CELSR1: variants seen among roughly 807,000 people sequenced by gnomAD.
CELSR1 encodes cadherin EGF LAG seven-pass G-type receptor 1.
In CELSR1, 110 loss-of-function variants were observed where a neutral mutation model predicts 249.1. The ratio of observed to expected loss-of-function variants is 0.44; its 90% CI spans 0.38 to 0.52. CELSR1 has a LOEUF of 0.52. CELSR1 is among the 20% of genes least tolerant of loss of function. The pLI is 0.00. For missense variants in CELSR1, 4,109 were observed against 4,296.4 expected (o/e 0.96, Z 1.22); for synonymous variants, 2,113 against 1,900.0 (o/e 1.11, Z -2.92).
Position 46,511,933 on chromosome 22 carries a change from C to T in CELSR1, c.3544+21694G>A, listed in dbSNP as rs77436422. On this transcript the variant is annotated intron_variant, in intron 1 of 34. Transcript: ENST00000674500. The stretch of plus-strand genomic sequence containing the variant: ...ATCCCAGGCACTAGGTAAGAGCATC[C>T]CCTGCCCGGATGACATGACGGTCAC... Among the ~76,000 whole-genome samples the T allele has an allele frequency of 3.6e-3, 553 of 152,296 alleles. 2 individuals are homozygous for T. The highest frequency in any genetic ancestry group is 6.7e-3 in the Non-Finnish European group (455 of 68,020).
At chr22:46,521,537 C>T (rs1036889739) in intron 1 of CELSR1, among the ~76,000 whole-genome samples, 9 of 151,026 alleles carry the variant, frequency 6.0e-5, no homozygotes, top group Admixed American at 4.0e-4. Flanking sequence ...TCAGTCAGGC[C>T]GGACACAGTG....
intron 9 of CELSR1, among the ~76,000 whole-genome samples, chr22:46,400,283 C>T (rs113907182): frequency 0.051 from 7,765 of 150,856 alleles, 725 homozygotes; most frequent in African/African-American, 0.18. Flanking sequence ...GAGCTGAGAT[C>T]GCAGCATTGC....
At position 46,386,507 on chromosome 22, in the gene CELSR1, C is replaced by G; in HGVS notation, c.6634G>C (p.Gly2212Arg). 2 of 1,597,748 alleles carry G rather than the reference C, an allele frequency of 1.3e-6. No individual in the cohort carries two copies. ...AGGCGCCGGAGCAGCTGTGCCGTGC[C>G]GCCCTCGCTCCGCTGGATCTGCTCC... is the stretch of plus-strand genomic sequence containing the variant. ...AWEQIQRSEG[G>R]TAQLLRRLEG... Residue 2212 changes from glycine (G) to arginine (R), a missense_variant, in exon 19 of 35, where the codon GGC (glycine) becomes CGC (arginine). Coordinates refer to ENST00000674500, the MANE Select transcript of CELSR1 (RefSeq NM_001378328.1).
rs531451933 is a variant in CELSR1, at chr22:46,430,668, T to C, written c.4611+2725A>G. Reference sequence around the variant, plus strand: ...CTGGAGGACAGGACCAGAGGTGACATTGGAGACAAAGTGGAGGCCCAGAGA... The same window carrying C: ...CTGGAGGACAGGACCAGAGGTGACACTGGAGACAAAGTGGAGGCCCAGAGA... On this transcript the variant is annotated intron_variant, in intron 5 of 34. Coordinates refer to ENST00000674500, the MANE Select transcript of CELSR1 (RefSeq NM_001378328.1). The surrounding 1 kb of genome is among the most constrained non-coding windows in gnomAD (Gnocchi z 4.6). Among the ~76,000 whole-genome samples the C allele has an allele frequency of 5.3e-5, 8 of 152,210 alleles. No individual in the cohort carries two copies. Among genetic ancestry groups the C allele is most frequent in the South Asian group, 4.1e-4 (2 of 4,824 alleles).
chr22:46,391,210 C>T lies in CELSR1; in HGVS notation c.6226G>A (p.Val2076Met), dbSNP rs1397478887. Residue 2076 changes from valine (V) to methionine (M), a missense_variant, in exon 16 of 35, where the codon GTG (valine) becomes ATG (methionine). Physicochemically the swap from Val to Met is conservative, Grantham distance 21. This residue lies in a region of CELSR1 where 1,805 missense variants were observed against 1,831.6 expected (regional missense o/e 0.99). Coordinates refer to ENST00000674500, the MANE Select transcript of CELSR1 (RefSeq NM_001378328.1). This position sits in a 1 kb window ranked among gnomAD's most constrained non-coding sequence, Gnocchi z 4.3. The part of the protein sequence containing the change: ...PQTKFGQPAA[V>M]PCPKGSVGNA... Reference sequence around the variant, plus strand: ...CCAACGGATCCCTTAGGGCATGGCACCGCAGCCGGCTGCCCGAACTTGGTC... The same window carrying T: ...CCAACGGATCCCTTAGGGCATGGCATCGCAGCCGGCTGCCCGAACTTGGTC... 6.2e-7 allele frequency: 1 copy of T among 1,613,316 alleles called. No homozygotes were observed. The highest frequency in any genetic ancestry group is 1.3e-5 in the African/African-American group (1 of 74,946).
In CELSR1 at chr22:46,434,862, T is replaced by C. The variant is rs1245047224; in HGVS notation, c.4522+1312A>G. ...AAATACAAAAATTAGCCGGGCATGG[T>C]GAAACGTGCCTGTATTCCCAGCTAC... On this transcript the variant is annotated intron_variant, in intron 4 of 34. Coordinates refer to ENST00000674500, the MANE Select transcript of CELSR1 (RefSeq NM_001378328.1). The surrounding 1 kb of genome is among the most constrained non-coding windows in gnomAD (Gnocchi z 4.9). Among the ~76,000 whole-genome samples the C allele has an allele frequency of 6.6e-6, 1 of 152,076 alleles. No homozygotes were observed. The highest frequency in any genetic ancestry group is 1.9e-4 in the East Asian group (1 of 5,164).
intron 2 of CELSR1, among the ~76,000 whole-genome samples, chr22:46,460,178 AACACACACACACACAC>A (rs544352270): frequency 1.9e-5 from 2 of 102,944 alleles, no homozygotes; most frequent in Admixed American, 9.0e-5. Context: ...TCAGTCTCAA[AACACACACACACACAC>A]ACACACACAC....
intron 5 of CELSR1, among the ~76,000 whole-genome samples, chr22:46,422,754 G>A (rs1413782284): frequency 3.8e-5 from 5 of 131,938 alleles, no homozygotes; most frequent in East Asian, 4.0e-4. Context: ...GCGACAGAGC[G>A]AGACTCCATC....
At chr22:46,460,211 A>ACACACCCCCCCC (rs1555922666) in intron 2 of CELSR1, among the ~76,000 whole-genome samples, 3 of 148,870 alleles carry the variant, frequency 2.0e-5, no homozygotes, top group African/African-American at 7.5e-5. Flanking sequence ...ACACACACAC[A>ACACACCCCCCCC]CACACCCATT....
intron 1 of CELSR1, among the ~76,000 whole-genome samples, chr22:46,496,118 C>T (rs1464362591): frequency 2.0e-5 from 3 of 150,352 alleles, no homozygotes; most frequent in South Asian, 2.1e-4. Context: ...CACTTGAACT[C>T]GGGAGGTGGG....
Position 46,534,618 on chromosome 22 carries a change from GT to G in CELSR1, c.2552del (p.Asp851AlafsTer10). The G allele has an allele frequency of 6.2e-7, 1 of 1,613,936 alleles. No individual in the cohort carries two copies. The highest frequency in any genetic ancestry group is 8.5e-7 in the Non-Finnish European group (1 of 1,180,036). On this transcript the variant is annotated frameshift_variant, in exon 1 of 35. Coordinates refer to ENST00000674500, the MANE Select transcript of CELSR1 (RefSeq NM_001378328.1). LOFTEE classifies it high-confidence loss of function. The surrounding 1 kb of genome is among the most constrained non-coding windows in gnomAD (Gnocchi z 9.7). ...SGTMYTMMEL[D>X]YENQVAYTLT... ...GCGTGTAGGCGACCTGGTTCTCATA[GT>G]CCAGCTCCATCATGGTGTACATGGT...
rs6008883 is a variant in CELSR1 at position 46,512,039 on chromosome 22, A to G, written c.3544+21588T>C. Among the ~76,000 whole-genome samples the G allele has an allele frequency of 0.59, 89,177 of 151,716 alleles. 27,575 individuals carry two copies. Among genetic ancestry groups the G allele is most frequent in the East Asian group, 0.77 (3,944 of 5,130 alleles). On this transcript the variant is annotated intron_variant, in intron 1 of 34. Transcript: ENST00000674500. The surrounding 1 kb of genome is among the most constrained non-coding windows in gnomAD (Gnocchi z 5.2). ...CTGCCTCCGAGAAACGCAGCAAGTC[A>G]TTCAGGTTCTGGGGTCCTGAAGTGC...
At position 46,408,684 on chromosome 22, in the gene CELSR1, G is replaced by C. The variant is rs1374747572; in HGVS notation, c.5226+312C>G. Among the ~76,000 whole-genome samples, 1 of 152,174 alleles carries C rather than the reference G, an allele frequency of 6.6e-6. No individual in the cohort carries two copies. The highest frequency in any genetic ancestry group is 2.4e-5 in the African/African-American group (1 of 41,448). ...TGAGGCTCACTGTTTCCGCCTGAAGGCTCGGCACCTCCCTCAGTTCTGCAA... is the reference window on the plus strand; with the variant it reads ...TGAGGCTCACTGTTTCCGCCTGAAGCCTCGGCACCTCCCTCAGTTCTGCAA... On this transcript the variant is annotated intron_variant, in intron 9 of 34. Transcript: ENST00000674500. This position sits in a 1 kb window ranked among gnomAD's most constrained non-coding sequence, Gnocchi z 4.6.
At position 46,512,063 on chromosome 22, in the gene CELSR1, GC is replaced by G. The variant is rs2080579233; in HGVS notation, c.3544+21563del. On this transcript the variant is annotated intron_variant, in intron 1 of 34. Coordinates refer to ENST00000674500, the MANE Select transcript of CELSR1 (RefSeq NM_001378328.1). The surrounding 1 kb of genome is among the most constrained non-coding windows in gnomAD (Gnocchi z 5.2). ...CATTCAGGTTCTGGGGTCCTGAAGT[GC>G]CCCGAGCCCACCCCCAGATCCCAGC... is the stretch of plus-strand genomic sequence containing the variant. Among the ~76,000 whole-genome samples, 1 of 151,980 alleles carries G rather than the reference GC, an allele frequency of 6.6e-6. No homozygotes were observed. The highest frequency in any genetic ancestry group is 2.1e-4 in the South Asian group (1 of 4,812).
At chr22:46,452,292 C>G (rs567192307) in intron 2 of CELSR1, among the ~76,000 whole-genome samples, 3 of 152,148 alleles carry the variant, frequency 2.0e-5, no homozygotes, top group Non-Finnish European at 4.4e-5. Flanking sequence ...CCTGGAGCCA[C>G]GGGAGATAAA....
In CELSR1 at chr22:46,534,594, C is replaced by G. The variant is rs765739414; in HGVS notation, c.2577G>C (p.Thr859=). Residue 859 remains threonine (T), a synonymous_variant, in exon 1 of 35, where the codon ACG becomes ACC. Transcript: ENST00000674500. The surrounding 1 kb of genome is among the most constrained non-coding windows in gnomAD (Gnocchi z 9.7). ...CGTTGTCCTGGGCCATGATGGTCAG[C>G]GTGTAGGCGACCTGGTTCTCATAGT... ...ELDYENQVAY[T]LTIMAQDNGI... 4.3e-6 allele frequency: 7 copies of G among 1,613,846 alleles called. No homozygotes were observed. In the Admixed American group the frequency reaches 1.2e-4, roughly 27 times the overall value.
At chr22:46,414,605 C>T (rs975067240) in intron 5 of CELSR1, among the ~76,000 whole-genome samples, 9 of 147,526 alleles carry the variant, frequency 6.1e-5, no homozygotes, top group African/African-American at 1.9e-4. Context: ...TCCCGCCTCT[C>T]GGCGAGTGTG....
chr22:46,413,460 T>C lies in CELSR1; in HGVS notation c.4612-1701A>G, dbSNP rs191118101. ...ATCTAACGTGAGTGAGACCCATGAC[T>C]GTACCTCAATTTCTTTTTGTGCAAG... On this transcript the variant is annotated intron_variant, in intron 5 of 34. Transcript: ENST00000674500. This position sits in a 1 kb window ranked among gnomAD's most constrained non-coding sequence, Gnocchi z 4.7. Among the ~76,000 whole-genome samples, 9 of 152,344 alleles carry C rather than the reference T, an allele frequency of 5.9e-5. No individual in the cohort carries two copies. In the East Asian group the frequency reaches 1.5e-3, roughly 26 times the overall value.
chr22:46,517,432 T>C lies in CELSR1; in HGVS notation c.3544+16195A>G, dbSNP rs2080639566. ...GTTTTCCCCCAAAACAGACTCCATCTGGCACTTGTCATCTTCCACGGGGCA... is the reference window on the plus strand; with the variant it reads ...GTTTTCCCCCAAAACAGACTCCATCCGGCACTTGTCATCTTCCACGGGGCA... On this transcript the variant is annotated intron_variant, in intron 1 of 34. Transcript: ENST00000674500. This position sits in a 1 kb window ranked among gnomAD's most constrained non-coding sequence, Gnocchi z 5.4. Among the ~76,000 whole-genome samples, 1 of 152,222 alleles carries C rather than the reference T, an allele frequency of 6.6e-6. No individual in the cohort carries two copies. The highest frequency in any genetic ancestry group is 2.1e-4 in the South Asian group (1 of 4,830).
Sources: gnomAD v4.1 joint callset for allele counts (sites outside exome capture counted in the v4.1 genomes callset) on GRCh38, gnomAD v4.1.1 for gene constraint, gnomAD v4.1.1 regional missense constraint, Gnocchi (gnomAD v3.1) non-coding constraint, MANE v1.5 for transcripts, NCBI Gene and HGNC (gene_info 2026-07-23, HGNC 2026-07-21) for gene names.